STXBP5L: variants seen among roughly 807,000 people sequenced by gnomAD.
The protein encoded by STXBP5L is syntaxin-binding protein 5-like.
Under a neutral mutation model 144.5 loss-of-function variants are expected in STXBP5L, and 65 were observed. That is an observed-to-expected ratio of 0.45 (90% CI 0.37 to 0.55). STXBP5L has a LOEUF of 0.55. Among genes scored for constraint, STXBP5L ranks in the 20% least tolerant of loss-of-function variants. The probability of loss-of-function intolerance (pLI) is 0.00; values close to 1 mark genes in which losing one functional copy is unlikely to be tolerated. For synonymous variants in STXBP5L, 505 were observed against 469.6 expected, an observed-to-expected ratio of 1.08 and a Z score of -0.97; for missense variants, 1,298 against 1,405.5, an observed-to-expected ratio of 0.92 and a Z score of 1.22.
Position 121,279,965 on chromosome 3 carries a change from T to C in STXBP5L, c.2110+9T>C. ...CAAACAGTTCATTGCAGGTAGGAGA[T>C]AAAACAAGATGAGTTATGAACTTGA... is the stretch of plus-strand genomic sequence containing the variant. On this transcript the variant is annotated intron_variant, in intron 19 of 26. Transcript: ENST00000471454. The C allele has an allele frequency of 6.2e-7, 1 of 1,609,404 alleles. No individual in the cohort carries two copies. The highest frequency in any genetic ancestry group is 1.1e-5 in the South Asian group (1 of 90,190).
intron 15 of STXBP5L, among the ~76,000 whole-genome samples, chr3:121,251,732 G>T (rs1199147958): frequency 6.6e-6 from 1 of 152,130 alleles, no homozygotes; most frequent in African/African-American, 2.4e-5. Flanking sequence ...CTGTAGAAAT[G>T]AATAGCTTCT....
chr3:121,007,267 A>T (rs1447305429), intron 3 of STXBP5L, among the ~76,000 whole-genome samples: 1 of 152,042 alleles, frequency 6.6e-6, no homozygotes, highest in Non-Finnish European at 1.5e-5. Context: ...TCTATCTTAT[A>T]TATTGTTCTT....
At chr3:121,003,843 G>T (rs1244600775) in intron 3 of STXBP5L, among the ~76,000 whole-genome samples, 2 of 152,154 alleles carry the variant, frequency 1.3e-5, no homozygotes, top group East Asian at 1.9e-4. Context: ...TGTCAGGTTT[G>T]TCAAAGATCA....
At chr3:121,283,932 C>T (rs1184158713) in intron 19 of STXBP5L, among the ~76,000 whole-genome samples, 1 of 148,574 alleles carries the variant, frequency 6.7e-6, no homozygotes, top group Non-Finnish European at 1.5e-5. Flanking sequence ...TGTGTGTAGA[C>T]AGAAAAGTTT....
At chr3:120,984,853 G>T (rs1942147480) in intron 3 of STXBP5L, among the ~76,000 whole-genome samples, 1 of 151,564 alleles carries the variant, frequency 6.6e-6, no homozygotes, top group Non-Finnish European at 1.5e-5. Flanking sequence ...TTCCTTATTT[G>T]TTGAGAGTTT....
At chr3:121,229,926 T>A (rs1178632135) in intron 11 of STXBP5L, among the ~76,000 whole-genome samples, 1 of 152,184 alleles carries the variant, frequency 6.6e-6, no homozygotes, top group African/African-American at 2.4e-5. Context: ...AGTCTTTCTC[T>A]TAGTATTTCT....
intron 5 of STXBP5L, among the ~76,000 whole-genome samples, chr3:121,064,040 A>G (rs1560080208): frequency 6.6e-6 from 1 of 152,076 alleles, no homozygotes; most frequent in South Asian, 2.1e-4. Context: ...GAGGTATGAA[A>G]AGTAACTCCT....
chr3:121,053,675 T>C (rs996467755), intron 5 of STXBP5L, among the ~76,000 whole-genome samples: 3 of 152,194 alleles, frequency 2.0e-5, no homozygotes, highest in East Asian at 3.8e-4. Flanking sequence ...GACATAGGCA[T>C]GGGCAAGGAC....
intron 10 of STXBP5L, among the ~76,000 whole-genome samples, chr3:121,220,276 T>C (rs775445648): frequency 2.6e-4 from 39 of 152,136 alleles, no homozygotes; most frequent in Non-Finnish European, 5.3e-4. Flanking sequence ...GCCTTTGAGA[T>C]TCATCCAAGT....
At chr3:121,117,299 C>T (rs1182005227) in intron 6 of STXBP5L, among the ~76,000 whole-genome samples, 2 of 151,698 alleles carry the variant, frequency 1.3e-5, no homozygotes, top group Non-Finnish European at 3.0e-5. Flanking sequence ...GTTGTACATG[C>T]CTCTGAAAAT....
intron 5 of STXBP5L, among the ~76,000 whole-genome samples, chr3:121,088,454 G>A (rs1439189796): frequency 9.9e-6 from 1 of 101,488 alleles, no homozygotes; most frequent in Non-Finnish European, 2.0e-5. Flanking sequence ...AGGTGCTGGA[G>A]AGGATGTGGA....
At position 121,411,951 on chromosome 3, in the gene STXBP5L, C is replaced by T. The variant is rs563050323; in HGVS notation, c.2949-1207C>T. Among the ~76,000 whole-genome samples the T allele has an allele frequency of 2.0e-5, 3 of 152,310 alleles. No homozygotes were observed. The East Asian group carries it at 5.8e-4, about 29-fold the overall frequency. ...CATTGTAGGAACATGTGAAGTGCTACAAAAAGTGCCCCTGAAATTGCTGGC... is the reference window on the plus strand; with the variant it reads ...CATTGTAGGAACATGTGAAGTGCTATAAAAAGTGCCCCTGAAATTGCTGGC... On this transcript the variant is annotated intron_variant, in intron 23 of 26. Coordinates refer to ENST00000471454, the MANE Select transcript of STXBP5L (RefSeq NM_001308330.2).
intron 19 of STXBP5L, 44 bp downstream of exon 19, chr3:121,280,000 CTG>C (rs1214687636): frequency 6.3e-7 from 1 of 1,585,168 alleles, no homozygotes; most frequent in Non-Finnish European, 8.6e-7. Flanking sequence ...ATTTGGTCAT[CTG>C]TGTTCTTATT....
intron 2 of STXBP5L, among the ~76,000 whole-genome samples, chr3:120,925,601 T>A (rs1195207298): frequency 6.6e-6 from 1 of 152,224 alleles, no homozygotes; most frequent in African/African-American, 2.4e-5. Context: ...TCAGCCACCC[T>A]ATGCCTTTTA....
chr3:121,040,272 C>A (rs917512751), intron 3 of STXBP5L, among the ~76,000 whole-genome samples: 2 of 151,920 alleles, frequency 1.3e-5, no homozygotes, highest in African/African-American at 4.8e-5. Flanking sequence ...ACAGTTTGAT[C>A]CTTTTGTAAC....
At chr3:121,343,230 A>G (rs1324720467) in intron 20 of STXBP5L, among the ~76,000 whole-genome samples, 4 of 151,872 alleles carry the variant, frequency 2.6e-5, no homozygotes, top group African/African-American at 9.7e-5. Flanking sequence ...TTCATTGTAG[A>G]TTCTGGATAT....
At chr3:121,303,088 A>C (rs2051988647) in intron 19 of STXBP5L, among the ~76,000 whole-genome samples, 1 of 152,214 alleles carries the variant, frequency 6.6e-6, no homozygotes, top group Non-Finnish European at 1.5e-5. Context: ...ATCAGAGTGA[A>C]CAGGCAACCT....
At chr3:120,960,149 A>G (rs1250973677) in intron 3 of STXBP5L, among the ~76,000 whole-genome samples, 1 of 152,240 alleles carries the variant, frequency 6.6e-6, no homozygotes, top group Non-Finnish European at 1.5e-5. Context: ...CCAAAGATAC[A>G]TGAAAAAAAT....
At chr3:121,086,038 C>T in intron 5 of STXBP5L, among the ~76,000 whole-genome samples, 1 of 152,046 alleles carries the variant, frequency 6.6e-6, no homozygotes, top group East Asian at 1.9e-4. Flanking sequence ...TGATCTTAGA[C>T]AAACCTAACA....
Sources: gnomAD v4.1 joint callset for allele counts (sites outside exome capture counted in the v4.1 genomes callset) on GRCh38, gnomAD v4.1.1 for gene constraint, MANE v1.5 for transcripts, NCBI Gene and HGNC (gene_info 2026-07-23, HGNC 2026-07-21) for gene names.